The following TEAD4 variants were observed in gnomAD, a reference collection of about 807,000 sequenced individuals.
TEAD4 encodes the protein transcriptional enhancer factor TEF-3.
A neutral mutation model predicts 52.4 loss-of-function variants in TEAD4; 36 were observed. The observed-to-expected ratio is 0.69, with a 90% confidence interval of 0.53 to 0.91. TEAD4 has a LOEUF of 0.91. Ranked by LOEUF, TEAD4 falls within the 40% of genes least tolerant of loss-of-function variation. The probability of loss-of-function intolerance (pLI) is 0.00; values close to 1 mark genes in which losing one functional copy is unlikely to be tolerated. For synonymous variants in TEAD4, 220 were observed against 231.0 expected (o/e 0.95, Z 0.43); for missense variants, 508 against 583.9 (o/e 0.87, Z 1.34).
chr12:3,033,233 C>T (rs1440045726), intron 10 of TEAD4, among the ~76,000 whole-genome samples: 1 of 152,216 alleles, frequency 6.6e-6, no homozygotes, highest in Non-Finnish European at 1.5e-5. Context: ...CTGTGGTGGT[C>T]ATTCATAGAC....
At chr12:3,022,207 CAGAGAGCTGGCCT>C (rs1366448389) in intron 10 of TEAD4, among the ~76,000 whole-genome samples, 190 bp downstream of exon 10, 3 of 152,154 alleles carry the variant, frequency 2.0e-5, no homozygotes, top group Non-Finnish European at 4.4e-5. Context: ...GCGGTGATCC[CAGAGAGCTGGCCT>C]AGTCGAACGA....
chr12:2,971,933 C>T (rs2098225511), intron 2 of TEAD4, among the ~76,000 whole-genome samples: 1 of 151,524 alleles, frequency 6.6e-6, no homozygotes, highest in African/African-American at 2.4e-5. Context: ...CTGCCTCAGC[C>T]TCCCAAATAG....
intron 2 of TEAD4, among the ~76,000 whole-genome samples, chr12:2,979,936 G>A (rs976069405): frequency 1.3e-5 from 2 of 152,178 alleles, no homozygotes; most frequent in Non-Finnish European, 2.9e-5. Flanking sequence ...TGAGTTGTTA[G>A]GCATGAGAAT....
intron 2 of TEAD4, among the ~76,000 whole-genome samples, chr12:2,974,963 A>G (rs2098228291): frequency 6.6e-6 from 1 of 152,146 alleles, no homozygotes; most frequent in African/African-American, 2.4e-5. Flanking sequence ...GCATTTTCCT[A>G]GGACACGCCT....
chr12:2,963,442 T>C (rs1162821211), intron 2 of TEAD4, among the ~76,000 whole-genome samples: 6 of 152,182 alleles, frequency 3.9e-5, no homozygotes, highest in African/African-American at 1.2e-4. Context: ...GACCCTTTGT[T>C]GGCCGGGGTT....
chr12:2,974,309 G>A (rs1380478762), intron 2 of TEAD4, among the ~76,000 whole-genome samples: 1 of 152,138 alleles, frequency 6.6e-6, no homozygotes, highest in African/African-American at 2.4e-5. Flanking sequence ...GGCCAGCTTT[G>A]AGCTGTTAAC....
At chr12:3,025,328 C>T (rs2098271437) in intron 10 of TEAD4, among the ~76,000 whole-genome samples, 1 of 152,244 alleles carries the variant, frequency 6.6e-6, no homozygotes, top group Admixed American at 6.5e-5. Flanking sequence ...TTGCATTTCT[C>T]TCTTTATTGG....
intron 2 of TEAD4, among the ~76,000 whole-genome samples, chr12:2,966,722 T>TAGGG (rs1330554460): frequency 6.9e-4 from 105 of 152,048 alleles, no homozygotes; most frequent in Admixed American, 1.8e-3. Context: ...ATTTCTTTTT[T>TAGGG]TTGAGATGGA....
At position 2,992,704 on chromosome 12, in the gene TEAD4, C is replaced by T. The variant is rs118153324; in HGVS notation, c.-29-2034C>T. Among the ~76,000 whole-genome samples the T allele has an allele frequency of 6.8e-3, 1,030 of 151,972 alleles. 21 individuals carry two copies. Among genetic ancestry groups the T allele is most frequent in the Admixed American group, 0.055 (840 of 15,254 alleles). On this transcript the variant is annotated intron_variant, in intron 2 of 12. Transcript: ENST00000359864. ...GAAGGGACGGGCAATGTGTGTGACG[C>T]GGTGAGGTCCTCCTTTACAAGTGGA...
In TEAD4 at chr12:3,012,228, T is replaced by C; in HGVS notation, c.350T>C (p.Leu117Pro). The C allele has an allele frequency of 6.2e-7, 1 of 1,614,048 alleles. No homozygotes were observed. The highest frequency in any genetic ancestry group is 1.3e-5 in the African/African-American group (1 of 75,038). The change falls in exon 5 of 13, where the codon CTA becomes CCA. Residue 117 changes from leucine to proline, a missense_variant. Physicochemically the swap from Leu to Pro is moderately conservative, Grantham distance 98. Transcript: ENST00000359864. ...AAAGCTCGCGAGATCCAGGCCAAGC[T>C]AAAGGTAAGGAAACTGCAGTGGGGG...
At chr12:2,976,599 C>T (rs1237796560) in intron 2 of TEAD4, among the ~76,000 whole-genome samples, 1 of 152,254 alleles carries the variant, frequency 6.6e-6, no homozygotes, top group South Asian at 2.1e-4. Context: ...CACCACTTGC[C>T]TTGACCCACT....
chr12:2,975,289 A>G (rs745885488), intron 2 of TEAD4, among the ~76,000 whole-genome samples: 3 of 151,882 alleles, frequency 2.0e-5, no homozygotes, highest in Admixed American at 1.3e-4. Flanking sequence ...AGTTTCTCCT[A>G]GTCTTAACAT....
chr12:3,018,703 G>C, intron 7 of TEAD4, 115 bp downstream of exon 7: 1 of 1,358,312 alleles, frequency 7.4e-7, no homozygotes. Context: ...GCTGGGGTCG[G>C]CCTTTCAGGA....
At chr12:2,977,762 A>G (rs1348057801) in intron 2 of TEAD4, among the ~76,000 whole-genome samples, 1 of 152,198 alleles carries the variant, frequency 6.6e-6, no homozygotes, top group African/African-American at 2.4e-5. Flanking sequence ...TTTCCCGAGA[A>G]CTTGTTGCAT....
rs1182873591 is a variant in TEAD4 at position 3,031,700 on chromosome 12, T to C, written c.898-6268T>C. Among the ~76,000 whole-genome samples the C allele has an allele frequency of 2.0e-5, 3 of 152,144 alleles. No individual in the cohort carries two copies. In the East Asian group the frequency reaches 5.8e-4, roughly 29 times the overall value. On this transcript the variant is annotated intron_variant, in intron 10 of 12. Transcript: ENST00000359864. ...ACCACGTTACATACAGTCACACGTC[T>C]CATCCTCACCACAGCCAAGACTGGA...
At chr12:2,968,894 G>A (rs544318299) in intron 2 of TEAD4, among the ~76,000 whole-genome samples, 16 of 152,256 alleles carry the variant, frequency 1.1e-4, no homozygotes, top group South Asian at 6.2e-4. Context: ...CGCCTCAAGC[G>A]ATCCTCCAGC....
intron 3 of TEAD4, 80 bp downstream of exon 3, chr12:2,995,072 G>C: frequency 6.6e-7 from 1 of 1,522,556 alleles, no homozygotes; most frequent in Admixed American, 2.0e-5. Flanking sequence ...TTCCTGCCGG[G>C]CCACAGAAGG....
At chr12:3,018,695 T>C in intron 7 of TEAD4, 107 bp downstream of exon 7, 4 of 1,443,972 alleles carry the variant, frequency 2.8e-6, no homozygotes, top group East Asian at 2.3e-5. Context: ...GGGCCGCTGC[T>C]GGGGTCGGCC....
chr12:2,991,136 C>T (rs953293789), intron 2 of TEAD4, among the ~76,000 whole-genome samples: 2 of 152,120 alleles, frequency 1.3e-5, no homozygotes, highest in Non-Finnish European at 2.9e-5. Context: ...GAGTTCAGTG[C>T]TGTACTAAGC....
Sources: gnomAD v4.1 joint callset for allele counts (sites outside exome capture counted in the v4.1 genomes callset) on GRCh38, gnomAD v4.1.1 for gene constraint, MANE v1.5 for transcripts, NCBI Gene and HGNC (gene_info 2026-07-23, HGNC 2026-07-21) for gene names.